Variants in GRTP1 observed in about 807,000 individuals in gnomAD.
GRTP1 encodes growth hormone regulated TBC protein 1, also known as growth hormone-regulated TBC protein 1.
GRTP1 carries 56 observed loss-of-function variants against 38.1 expected under a neutral mutation model. The observed-to-expected ratio is 1.47, with a 90% confidence interval of 1.19 to 1.84. GRTP1 has a LOEUF of 1.84. Ranked by LOEUF, GRTP1 falls within the 40% of genes most tolerant of loss-of-function variation. The pLI, the probability that GRTP1 is intolerant of heterozygous loss-of-function variation, is 0.00. For missense variants in GRTP1, 506 were observed against 453.9 expected, an observed-to-expected ratio of 1.11 and a Z score of -1.04; for synonymous variants, 217 against 189.5, an observed-to-expected ratio of 1.14 and a Z score of -1.19.
In GRTP1 at chr13:113,326,056, C is replaced by G; in HGVS notation, c.598G>C (p.Asp200His). 1.2e-6 allele frequency: 2 copies of G among 1,612,096 alleles called. No individual in the cohort carries two copies. Among genetic ancestry groups the G allele is most frequent in the Non-Finnish European group, 1.7e-6 (2 of 1,179,948 alleles). The change falls in exon 6 of 8, where the codon GAC becomes CAC. Residue 200 changes from aspartate to histidine, a missense_variant. Transcript: ENST00000375431. Reference sequence around the variant, plus strand: ...ACCAGCTCCCCGAGGACCTCCTGGTCGGTCTTCAGGCCCAGCATGGCCGGG... The same window carrying G: ...ACCAGCTCCCCGAGGACCTCCTGGTGGGTCTTCAGGCCCAGCATGGCCGGG... ...YSPAMLGLKT[D>H]QEVLGELVRA...
intron 3 of GRTP1, among the ~76,000 whole-genome samples, chr13:113,352,324 T>TATATATATATATATA (rs1452220409): frequency 1.5e-4 from 2 of 13,702 alleles, no homozygotes; most frequent in Admixed American, 1.9e-3. Context: ...TTATATATAT[T>TATATATATATATATA]TTTATATATA....
intron 5 of GRTP1, among the ~76,000 whole-genome samples, chr13:113,332,971 G>A (rs768398616): frequency 6.6e-5 from 10 of 152,212 alleles, no homozygotes; most frequent in East Asian, 1.9e-4. Context: ...CTGACCAACC[G>A]CCTTCTAGTG....
At position 113,355,305 on chromosome 13, in the gene GRTP1, C is replaced by G. The variant is rs770234563; in HGVS notation, c.340+18G>C. ...GGCCCCCGGGCCCTGCACCAGAGCTCGACCCCCACCGCCTCACCTGTCCTG... is the reference window on the plus strand; with the variant it reads ...GGCCCCCGGGCCCTGCACCAGAGCTGGACCCCCACCGCCTCACCTGTCCTG... On this transcript the variant is annotated intron_variant, in intron 3 of 7. Coordinates refer to ENST00000375431, the MANE Select transcript of GRTP1 (RefSeq NM_024719.4). The G allele has an allele frequency of 8.1e-6, 13 of 1,611,778 alleles. No individual in the cohort carries two copies. The highest frequency in any genetic ancestry group is 6.7e-5 in the East Asian group (3 of 44,822).
intron 5 of GRTP1, 22 bp downstream of exon 5, chr13:113,344,841 A>C (rs199713839): frequency 6.3e-7 from 1 of 1,590,134 alleles, no homozygotes. Flanking sequence ...GTTCGGGCAT[A>C]CCGCAGGAAT....
In GRTP1 at chr13:113,346,704, A is replaced by G. The variant is rs878990924; in HGVS notation, c.466-1745T>C. Among the ~76,000 whole-genome samples, 2 of 774 alleles carry G rather than the reference A, an allele frequency of 2.6e-3. 1 individual carries two copies. Among genetic ancestry groups the G allele is most frequent in the African/African-American group, 0.022 (2 of 90 alleles). 0.5% of individuals were successfully genotyped at this position (774 alleles called of 152,430 possible). On this transcript the variant is annotated intron_variant, in intron 4 of 7. Transcript: ENST00000375431. ...TGGGAGGACCTCTGTGGCAGAGAGC[A>G]GACCCGGGAGGACCTCTGTGGCTGA...
intron 4 of GRTP1, among the ~76,000 whole-genome samples, chr13:113,350,425 A>G (rs2043239923): frequency 7.6e-6 from 1 of 131,418 alleles, no homozygotes; most frequent in African/African-American, 2.9e-5. Flanking sequence ...CATAGCACAC[A>G]CATCCCACAG....
rs374513764 is a variant in GRTP1, at chr13:113,325,772, A to C, written c.810T>G (p.Ile270Met). ...KIIFRVALTL[I>M]KQHQELILEA... ...CCAAAATCAACTCCTGGTGCTGCTT[A>C]ATTAAGGTCAGGGCCACCCGGAAGA... The change falls in exon 7 of 8, where the codon ATT becomes ATG. Residue 270 changes from isoleucine to methionine, a missense_variant. Physicochemically the swap from Ile to Met is conservative, Grantham distance 10. Coordinates refer to ENST00000375431, the MANE Select transcript of GRTP1 (RefSeq NM_024719.4). The C allele has an allele frequency of 2.2e-5, 35 of 1,614,066 alleles. No individual in the cohort carries two copies. The highest frequency in any genetic ancestry group is 2.8e-5 in the Non-Finnish European group (33 of 1,179,902).
chr13:113,362,072 C>G (rs753364285), intron 2 of GRTP1, among the ~76,000 whole-genome samples: 40 of 152,144 alleles, frequency 2.6e-4, no homozygotes, highest in Admixed American at 5.9e-4. Flanking sequence ...TCGCTTGAAC[C>G]CAGGAGGCAG....
intron 3 of GRTP1, among the ~76,000 whole-genome samples, chr13:113,354,717 G>A (rs1457098733): frequency 1.3e-5 from 2 of 152,148 alleles, no homozygotes; most frequent in East Asian, 3.9e-4. Flanking sequence ...AGTAGAGACC[G>A]GGTTTCACCA....
intron 5 of GRTP1, among the ~76,000 whole-genome samples, chr13:113,329,217 TAAGG>T (rs957348264): frequency 2.8e-4 from 42 of 152,124 alleles, no homozygotes; most frequent in African/African-American, 9.2e-4. Flanking sequence ...CACCGACAGT[TAAGG>T]AAGGTATAAT....
Position 113,325,769 on chromosome 13 carries a change from C to T in GRTP1, c.813G>A (p.Lys271=). The part of the protein sequence containing the change: ...IIFRVALTLI[K]QHQELILEAT... ...CTTCCAAAATCAACTCCTGGTGCTG[C>T]TTAATTAAGGTCAGGGCCACCCGGA... Residue 271 remains lysine, a synonymous_variant, in exon 7 of 8, where the codon AAG becomes AAA. Transcript: ENST00000375431. 5.0e-6 allele frequency: 8 copies of T among 1,614,084 alleles called. No homozygotes were observed. Among genetic ancestry groups the T allele is most frequent in the Non-Finnish European group, 6.8e-6 (8 of 1,180,044 alleles).
chr13:113,350,888 C>T lies in GRTP1; in HGVS notation c.426G>A (p.Leu142=). The T allele has an allele frequency of 1.3e-6, 2 of 1,596,952 alleles. No individual in the cohort carries two copies. Among genetic ancestry groups the T allele is most frequent in the Non-Finnish European group, 1.7e-6 (2 of 1,166,692 alleles). Residue 142 remains leucine, a synonymous_variant, in exon 4 of 8, where the codon CTG becomes CTA. Coordinates refer to ENST00000375431, the MANE Select transcript of GRTP1 (RefSeq NM_024719.4). ...CLQRTLYNVL[L]AYGHHNQGVG... Reference sequence around the variant, plus strand: ...CTCCCTGGTTATGGTGCCCATATGCCAGCAGCACATTGTACAGGGTCCTCT... The same window carrying T: ...CTCCCTGGTTATGGTGCCCATATGCTAGCAGCACATTGTACAGGGTCCTCT...
rs2043056569 is a variant in GRTP1, at chr13:113,343,607, C to A, written c.562+1256G>T. On this transcript the variant is annotated intron_variant, in intron 5 of 7. Coordinates refer to ENST00000375431, the MANE Select transcript of GRTP1 (RefSeq NM_024719.4). The surrounding 1 kb of genome is among the most constrained non-coding windows in gnomAD (Gnocchi z 4.8). ...CCATGTACAGCGGTGGTCAGGCCAG[C>A]ACGCAAATTCTCCCGGCCTTCGGTG... Among the ~76,000 whole-genome samples, 1 of 152,254 alleles carries A rather than the reference C, an allele frequency of 6.6e-6. No homozygotes were observed. The highest frequency in any genetic ancestry group is 2.4e-5 in the African/African-American group (1 of 41,464).
intron 5 of GRTP1, among the ~76,000 whole-genome samples, chr13:113,340,412 G>A (rs1204253099): frequency 4.0e-5 from 6 of 149,228 alleles, no homozygotes; most frequent in South Asian, 2.1e-4. Context: ...TAAGGAGGTC[G>A]AGGCTGCAGT....
rs558635532 is a variant in GRTP1 at position 113,338,859 on chromosome 13, GCACATTCTT to G, written c.562+5995_562+6003del. Among the ~76,000 whole-genome samples the G allele has an allele frequency of 7.4e-3, 1,127 of 151,794 alleles. 10 individuals are homozygous for G. Among genetic ancestry groups the G allele is most frequent in the Middle Eastern group, 0.014 (4 of 288 alleles). ...CTCTATTTTGTAAATTGCCTGTCAG[GCACATTCTT>G]CACCTGATGTTCTGCTGAGCTGTTT... On this transcript the variant is annotated intron_variant, in intron 5 of 7. Coordinates refer to ENST00000375431, the MANE Select transcript of GRTP1 (RefSeq NM_024719.4).
chr13:113,330,371 C>A (rs2042844882), intron 5 of GRTP1, among the ~76,000 whole-genome samples: 1 of 123,648 alleles, frequency 8.1e-6, no homozygotes, highest in African/African-American at 3.3e-5. Context: ...TGGAAGGAAA[C>A]CCAGGTGTGT....
chr13:113,364,032 G>A lies in GRTP1; in HGVS notation c.20C>T (p.Ser7Leu), dbSNP rs1281053349. 2.3e-6 allele frequency: 3 copies of A among 1,303,976 alleles called. No individual in the cohort carries two copies. The highest frequency in any genetic ancestry group is 2.9e-6 in the Non-Finnish European group (3 of 1,030,352). 80.8% of individuals were successfully genotyped at this position (1,303,976 alleles called of 1,614,324 possible). ...CCGCGCCACACACCTGGGGACCCGC[G>A]AGCGCTCGGCGGGCTGCATGCGGGG... Reference protein sequence around the residue: MQPAERSRVPRIDPYGF... With the variant: MQPAERLRVPRIDPYGF... The change falls in exon 1 of 8, where the codon TCG becomes TTG. Residue 7 changes from serine to leucine, a missense_variant. By Grantham distance (145) the Ser-to-Leu change is moderately radical (BLOSUM62 -2). Transcript: ENST00000375431.
At chr13:113,363,469 C>A (rs531083586) in intron 2 of GRTP1, among the ~76,000 whole-genome samples, 1 of 151,830 alleles carries the variant, frequency 6.6e-6, no homozygotes, top group Non-Finnish European at 1.5e-5. Flanking sequence ...CCTCCCAAAG[C>A]GCTGGGATTA....
chr13:113,325,266 C>G (rs747186594), intron 7 of GRTP1: 20 of 1,256,748 alleles, frequency 1.6e-5, no homozygotes, highest in Non-Finnish European at 1.6e-5. Flanking sequence ...CTCCTGGCGT[C>G]TTGGCTTCCT....
Sources: allele counts gnomAD v4.1 joint callset (sites outside exome capture counted in the v4.1 genomes callset), GRCh38; gene constraint gnomAD v4.1.1; non-coding constraint Gnocchi (gnomAD v3.1); transcripts MANE v1.5; gene names NCBI Gene and HGNC (gene_info 2026-07-23, HGNC 2026-07-21).